COLEC12: variants seen among roughly 807,000 people sequenced by gnomAD.
The protein encoded by COLEC12 is collectin-12.
Under a neutral mutation model 71.1 loss-of-function variants are expected in COLEC12, and 33 were observed. That is an observed-to-expected ratio of 0.46 (90% CI 0.35 to 0.62). COLEC12 has a LOEUF of 0.62. COLEC12 is among the 20% of genes least tolerant of loss of function. COLEC12 has a pLI of 0.00. For synonymous variants in COLEC12, 350 were observed against 353.0 expected, an observed-to-expected ratio of 0.99 and a Z score of 0.10; for missense variants, 765 against 916.1, an observed-to-expected ratio of 0.84 and a Z score of 2.13.
At chr18:374,583 G>A (rs577678834) in intron 2 of COLEC12, among the ~76,000 whole-genome samples, 1 of 152,270 alleles carries the variant, frequency 6.6e-6, no homozygotes, top group Admixed American at 6.5e-5. Context: ...CCTCCCATAG[G>A]AAGTATGAGG....
At chr18:469,373 G>A (rs991893042) in intron 2 of COLEC12, among the ~76,000 whole-genome samples, 3 of 152,178 alleles carry the variant, frequency 2.0e-5, no homozygotes, top group Non-Finnish European at 2.9e-5. Flanking sequence ...CAAATACACC[G>A]CTGTTTGAAA....
At chr18:498,639 G>A (rs1369470295) in intron 1 of COLEC12, among the ~76,000 whole-genome samples, 1 of 152,128 alleles carries the variant, frequency 6.6e-6, no homozygotes, top group Non-Finnish European at 1.5e-5. Context: ...TGGGATTACA[G>A]GTGTGAGCCA....
intron 2 of COLEC12, among the ~76,000 whole-genome samples, chr18:392,560 C>G (rs999873301): frequency 6.6e-6 from 1 of 152,202 alleles, no homozygotes; most frequent in Admixed American, 6.5e-5. Flanking sequence ...ATTTCAGATG[C>G]TATTTGGTGA....
intron 2 of COLEC12, among the ~76,000 whole-genome samples, chr18:464,895 G>C (rs1234992327): frequency 1.3e-5 from 2 of 152,152 alleles, no homozygotes; most frequent in East Asian, 3.9e-4. Context: ...AGCCCAGTGG[G>C]GTGTGCTCAG....
At position 362,381 on chromosome 18, in the gene COLEC12, G is replaced by A. The variant is rs1022692920; in HGVS notation, c.59-4859C>T. On this transcript the variant is annotated intron_variant, in intron 2 of 9. Transcript: ENST00000400256. This position sits in a 1 kb window ranked among gnomAD's most constrained non-coding sequence, Gnocchi z 4.6. ...TGTTTTATCTTCCTCTCTGCCCTCC[G>A]CTGGGAGGACATCTGGCCAAACACA... Among the ~76,000 whole-genome samples, 4 of 151,864 alleles carry A rather than the reference G, an allele frequency of 2.6e-5. No individual in the cohort carries two copies. The highest frequency in any genetic ancestry group is 1.9e-4 in the East Asian group (1 of 5,186).
At position 346,860 on chromosome 18, in the gene COLEC12, G is replaced by A. The variant is rs1914388517; in HGVS notation, c.762C>T (p.Asp254=). 6.2e-7 allele frequency: 1 copy of A among 1,614,054 alleles called. No homozygotes were observed. Among genetic ancestry groups the A allele is most frequent in the African/African-American group, 1.3e-5 (1 of 74,924 alleles). The change falls in exon 5 of 10, where the codon GAC becomes GAT. Residue 254 remains aspartate (D), a synonymous_variant. Coordinates refer to ENST00000400256, the MANE Select transcript of COLEC12 (RefSeq NM_130386.3). The surrounding 1 kb of genome is among the most constrained non-coding windows in gnomAD (Gnocchi z 4.0). ...GCACTTTCTCCTTCAGCCAATCCGT[G>A]TCCTTCTTGGCTTGAAGAAAAACCT... ...LQQVFLQAKK[D]TDWLKEKVQS... is the part of the protein sequence containing the mutation.
chr18:380,780 T>C (rs1915214824), intron 2 of COLEC12, among the ~76,000 whole-genome samples: 1 of 152,144 alleles, frequency 6.6e-6, no homozygotes, highest in Non-Finnish European at 1.5e-5. Context: ...GTCTTTACGT[T>C]CTTAGAGACC....
Position 401,554 on chromosome 18 carries a change from C to T in COLEC12, c.59-44032G>A, listed in dbSNP as rs564543076. On this transcript the variant is annotated intron_variant, in intron 2 of 9. Transcript: ENST00000400256. Reference sequence around the variant, plus strand: ...AGATCCTTCTAATTGTCACCAAGGACTTGTCCTTAGTGCTCAGCGACTGCC... The same window carrying T: ...AGATCCTTCTAATTGTCACCAAGGATTTGTCCTTAGTGCTCAGCGACTGCC... Among the ~76,000 whole-genome samples the T allele has an allele frequency of 3.4e-4, 52 of 152,334 alleles. 1 individual carries two copies. Among genetic ancestry groups the T allele is most frequent in the African/African-American group, 1.2e-3 (49 of 41,580 alleles).
chr18:381,526 A>G (rs1915231502), intron 2 of COLEC12, among the ~76,000 whole-genome samples: 1 of 152,196 alleles, frequency 6.6e-6, no homozygotes, highest in South Asian at 2.1e-4. Flanking sequence ...GATAATCCCT[A>G]TTTACCACAC....
intron 2 of COLEC12, among the ~76,000 whole-genome samples, chr18:416,973 A>G (rs1210104010): frequency 1.3e-5 from 2 of 151,968 alleles, no homozygotes; most frequent in Non-Finnish European, 2.9e-5. Context: ...AAAGTATACC[A>G]GGTTTAAAGA....
chr18:374,018 C>T (rs1262434671), intron 2 of COLEC12, among the ~76,000 whole-genome samples: 1 of 152,164 alleles, frequency 6.6e-6, no homozygotes, highest in Non-Finnish European at 1.5e-5. Context: ...CACCTAAGTC[C>T]TAGGGTGTTG....
intron 2 of COLEC12, among the ~76,000 whole-genome samples, chr18:466,218 C>A (rs576311698): frequency 6.6e-6 from 1 of 152,060 alleles, no homozygotes; most frequent in Non-Finnish European, 1.5e-5. Context: ...CCAGCCTGGG[C>A]GACAGATTGA....
chr18:404,969 C>A (rs1247918912), intron 2 of COLEC12, among the ~76,000 whole-genome samples: 1 of 152,052 alleles, frequency 6.6e-6, no homozygotes, highest in East Asian at 1.9e-4. Context: ...AATATTAATA[C>A]CCTGGGAAAG....
intron 5 of COLEC12, among the ~76,000 whole-genome samples, chr18:337,543 T>C (rs17548313): frequency 0.12 from 18,475 of 152,252 alleles, 1,167 homozygotes; most frequent in South Asian, 0.17. Flanking sequence ...TTTACGCTAA[T>C]GGCAAGGACT....
intron 2 of COLEC12, among the ~76,000 whole-genome samples, chr18:396,461 G>A (rs1940442): frequency 0.22 from 33,313 of 152,132 alleles, 4,590 homozygotes; most frequent in South Asian, 0.43. Context: ...CTACTCAGTG[G>A]CTTCTCCAAT....
At chr18:452,951 A>C (rs11081116) in intron 2 of COLEC12, among the ~76,000 whole-genome samples, 10,781 of 152,320 alleles carry the variant, frequency 0.071, 485 homozygotes, top group Admixed American at 0.13. Context: ...TTGGAAGTTA[A>C]TATTTTACAA....
intron 4 of COLEC12, 52 bp from the exon 5 acceptor site, chr18:347,393 G>A: frequency 6.7e-7 from 1 of 1,486,980 alleles, no homozygotes; most frequent in Non-Finnish European, 9.3e-7. Context: ...GAAGTGTTCA[G>A]GCAAGGCCAA....
chr18:469,724 G>A (rs927460626), intron 2 of COLEC12, among the ~76,000 whole-genome samples: 6 of 152,068 alleles, frequency 3.9e-5, no homozygotes, highest in African/African-American at 1.2e-4. Context: ...ATTTATATGT[G>A]GATCCCTGAC....
chr18:423,252 G>C (rs60093171), intron 2 of COLEC12, among the ~76,000 whole-genome samples: 35,770 of 152,004 alleles, frequency 0.24, 4,493 homozygotes, highest in Middle Eastern at 0.32. Context: ...CTGGACAAGA[G>C]AGTGAGATCC....
Sources: gnomAD v4.1 joint callset for allele counts (sites outside exome capture counted in the v4.1 genomes callset) on GRCh38, gnomAD v4.1.1 for gene constraint, Gnocchi (gnomAD v3.1) non-coding constraint, MANE v1.5 for transcripts, NCBI Gene and HGNC (gene_info 2026-07-23, HGNC 2026-07-21) for gene names.